RECQL4: variants seen among roughly 807,000 people sequenced by gnomAD.
The protein encoded by RECQL4 is ATP-dependent DNA helicase Q4.
A neutral mutation model predicts 128.6 loss-of-function variants in RECQL4; 158 were observed. That is an observed-to-expected ratio of 1.23 (90% CI 1.08 to 1.40). The LOEUF (loss-of-function observed/expected upper bound fraction) is 1.40, where lower values mean the gene tolerates loss of function less well. Among genes scored for constraint, RECQL4 ranks in the 40% most tolerant of loss-of-function variants. The probability of loss-of-function intolerance (pLI) is 0.00; values close to 1 mark genes in which losing one functional copy is unlikely to be tolerated. For missense variants in RECQL4, 2,293 were observed against 1,649.8 expected (o/e 1.39, Z -6.75); for synonymous variants, 996 against 678.9 (o/e 1.47, Z -7.26).
chr8:144,516,339 C>G lies in RECQL4; in HGVS notation c.780G>C (p.Glu260Asp), dbSNP rs780272651. The change falls in exon 5 of 21, where the codon GAG (glutamate) becomes GAC (aspartate). Residue 260 changes from glutamate (E) to aspartate (D), a missense_variant. Physicochemically the swap from Glu to Asp is conservative, Grantham distance 45. Transcript: ENST00000617875. ...GSPQPSSSGG[E>D]KRRWNEEPWE... Reference sequence around the variant, plus strand: ...AGGGCTCCTCGTTCCATCTCCGCTTCTCGCCTCCACTGCTGCTGGGCTGGG... The same window carrying G: ...AGGGCTCCTCGTTCCATCTCCGCTTGTCGCCTCCACTGCTGCTGGGCTGGG... The G allele has an allele frequency of 1.2e-5, 19 of 1,609,778 alleles. No individual in the cohort carries two copies. The highest frequency in any genetic ancestry group is 2.7e-5 in the African/African-American group (2 of 75,036).
intron 9 of RECQL4, 131 bp downstream of exon 9, chr8:144,514,803 CTG>C (rs1466120876): frequency 8.6e-7 from 1 of 1,165,438 alleles, no homozygotes; most frequent in Non-Finnish European, 1.2e-6. Flanking sequence ...GCTGCCAAGA[CTG>C]GGACTGAGGC....
chr8:144,516,857 G>A (rs1051827528), intron 4 of RECQL4, 93 bp from the exon 5 acceptor site: 146 of 1,403,074 alleles, frequency 1.0e-4, no homozygotes, highest in Non-Finnish European at 1.3e-4. Flanking sequence ...CTCAATTGTA[G>A]AGCAGGCTAA....
intron 6 of RECQL4, 148 bp downstream of exon 6, chr8:144,515,616 C>T (rs921107866): frequency 2.1e-6 from 3 of 1,441,384 alleles, no homozygotes; most frequent in Non-Finnish European, 2.8e-6. Context: ...ATCGTCGTCC[C>T]TGCCACCCTC....
In RECQL4 at chr8:144,511,982, A is replaced by G; in HGVS notation, c.3322T>C (p.Phe1108Leu). ...TRLKDLLGRY[F>L]EEEEGQEPGG... ...GGCTCCTGCCCTTCCTCTTCCTCAA[A>G]GTAGCGGCCGAGCAGGTCCTTGAGC... Residue 1108 changes from phenylalanine to leucine, a missense_variant, in exon 19 of 21, where the codon TTT becomes CTT. Phe to Leu is a conservative substitution (Grantham distance 22, BLOSUM62 0). Coordinates refer to ENST00000617875, the MANE Select transcript of RECQL4 (RefSeq NM_004260.4). 6.2e-7 allele frequency: 1 copy of G among 1,611,218 alleles called. No homozygotes were observed. Among genetic ancestry groups the G allele is most frequent in the Non-Finnish European group, 8.5e-7 (1 of 1,179,572 alleles).
In RECQL4 at chr8:144,511,571, GAC is replaced by G. The variant is rs755908070; in HGVS notation, c.3503-18_3503-17del. 4.3e-6 allele frequency: 7 copies of G among 1,610,570 alleles called. No homozygotes were observed. The highest frequency in any genetic ancestry group is 4.0e-5 in the African/African-American group (3 of 74,874). On this transcript the variant is annotated splice_polypyrimidine_tract_variant and intron_variant, in intron 20 of 20. Coordinates refer to ENST00000617875, the MANE Select transcript of RECQL4 (RefSeq NM_004260.4). ...CAGGGGCTTCCTACGGTGGAGCCAA[GAC>G]ACAGCCGTGAGCCCCAGCCCCAGCC...
rs754123663 is a variant in RECQL4, at chr8:144,517,093, T to G, written c.311A>C (p.Asp104Ala). ...PGRSRQGSVPDYGQRLKANLK... is the reference protein window; with the variant it reads ...PGRSRQGSVPAYGQRLKANLK... ...ATTGGCCTTGAGCCGCTGCCCGTAGTCCGGCACCGAGCCCTGGCGGCTCCG... is the reference window on the plus strand; with the variant it reads ...ATTGGCCTTGAGCCGCTGCCCGTAGGCCGGCACCGAGCCCTGGCGGCTCCG... The change falls in exon 4 of 21, where the codon GAC (aspartate) becomes GCC (alanine). Residue 104 changes from aspartate (D) to alanine (A), a missense_variant. By Grantham distance (126) the Asp-to-Ala change is moderately radical. Transcript: ENST00000617875. 6 of 1,612,454 alleles carry G rather than the reference T, an allele frequency of 3.7e-6. No individual in the cohort carries two copies. The Admixed American group carries it at 5.0e-5, about 13-fold the overall frequency.
chr8:144,516,255 C>T lies in RECQL4; in HGVS notation c.864G>A (p.Gly288=), dbSNP rs1182438148. The T allele has an allele frequency of 1.1e-5, 18 of 1,612,472 alleles. No homozygotes were observed. Among genetic ancestry groups the T allele is most frequent in the African/African-American group, 2.7e-5 (2 of 74,932 alleles). ...ESSQAGPPSE[G]AGAVAVEEDP... is the part of the protein sequence containing the mutation. ...CTTCCTCAACTGCTACAGCCCCAGC[C>T]CCCTCCGATGGGGGTCCAGCTTGGC... The change falls in exon 5 of 21, where the codon GGG becomes GGA. Residue 288 remains glycine (G), a synonymous_variant. Transcript: ENST00000617875.
Position 144,517,441 on chromosome 8 carries a change from G to T in RECQL4, c.186C>A (p.Ser62=). The T allele has an allele frequency of 1.3e-6, 2 of 1,589,072 alleles. No homozygotes were observed. Among genetic ancestry groups the T allele is most frequent in the East Asian group, 2.3e-5 (1 of 44,162 alleles). ...CTTCGGCCGCCGCGGGGAGCGACTC[G>T]GAGCTGCGGAGCCCGCCGCCGGCCT... is the stretch of plus-strand genomic sequence containing the variant. ...TGQAGGGLRS[S]ESLPAAAEEA... Residue 62 remains serine, a synonymous_variant, in exon 3 of 21, where the codon TCC becomes TCA. Coordinates refer to ENST00000617875, the MANE Select transcript of RECQL4 (RefSeq NM_004260.4).
Position 144,517,053 on chromosome 8 carries a change from C to A in RECQL4, c.351G>T (p.Leu117=). The change falls in exon 4 of 21, where the codon CTG becomes CTT. Residue 117 remains leucine (L), a synonymous_variant. Transcript: ENST00000617875. ...QRLKANLKGT[L]QAGPALGRRP... ...TCACTGCCTGCCCACTCCTCACCTG[C>A]AGGGTGCCTTTCAGATTGGCCTTGA... 1 of 1,609,852 alleles carries A rather than the reference C, an allele frequency of 6.2e-7. No individual in the cohort carries two copies. Among genetic ancestry groups the A allele is most frequent in the Non-Finnish European group, 8.5e-7 (1 of 1,177,666 alleles).
At chr8:144,511,860 AG>A (rs1827271420) in intron 19 of RECQL4, 50 bp downstream of exon 19, 1 of 1,610,248 alleles carries the variant, frequency 6.2e-7, no homozygotes. Flanking sequence ...AGCCCCATGC[AG>A]CCCAGGGAAC....
In RECQL4 at chr8:144,512,490, T is replaced by C; in HGVS notation, c.2957A>G (p.Glu986Gly). Reference protein sequence around the residue: ...EDPGQGSSSVEFDMVKLVDSM... With the variant: ...EDPGQGSSSVGFDMVKLVDSM... The stretch of plus-strand genomic sequence containing the variant: ...GTCCACCAGCTTGACCATGTCAAAC[T>C]CCACGGAGCTGCTGCCTTGCCCTGG... The change falls in exon 17 of 21, where the codon GAG (glutamate) becomes GGG (glycine). Residue 986 changes from glutamate (E) to glycine (G), a missense_variant. Glu to Gly is a moderately conservative substitution (Grantham distance 98). Coordinates refer to ENST00000617875, the MANE Select transcript of RECQL4 (RefSeq NM_004260.4). The C allele has an allele frequency of 1.2e-6, 2 of 1,612,426 alleles. No homozygotes were observed. The highest frequency in any genetic ancestry group is 1.7e-4 in the Middle Eastern group (1 of 6,060).
rs759478327 is a variant in RECQL4 at position 144,511,755 on chromosome 8, A to G, written c.3428T>C (p.Ile1143Thr). 2.2e-5 allele frequency: 35 copies of G among 1,612,466 alleles called. No individual in the cohort carries two copies. The Admixed American group carries it at 5.3e-4, about 25-fold the overall frequency. The change falls in exon 20 of 21, where the codon ATC (isoleucine) becomes ACC (threonine). Residue 1143 changes from isoleucine to threonine, a missense_variant. By Grantham distance (89) the Ile-to-Thr change is moderately conservative. Transcript: ENST00000617875. ...TGGCCTCAGGGACAGGAACTGGCGGATGTCGCAGCGGACCTGGTCCTCCCA... is the reference window on the plus strand; with the variant it reads ...TGGCCTCAGGGACAGGAACTGGCGGGTGTCGCAGCGGACCTGGTCCTCCCA... ...QDWEDQVRCD[I>T]RQFLSLRPEE...
At chr8:144,517,546 C>A in intron 2 of RECQL4, 38 bp from the exon 3 acceptor site, 1 of 1,531,238 alleles carries the variant, frequency 6.5e-7, no homozygotes, top group Non-Finnish European at 8.7e-7. Flanking sequence ...AGGGTGGGGC[C>A]TGGGCCCCTG....
At chr8:144,515,632 G>T in intron 6 of RECQL4, 132 bp downstream of exon 6, 1 of 1,444,730 alleles carries the variant, frequency 6.9e-7, no homozygotes. Flanking sequence ...CCCTCCTTCA[G>T]GGGAGCTAGG....
rs889066014 is a variant in RECQL4 at position 144,513,729 on chromosome 8, G to A, written c.2059-17C>T. On this transcript the variant is annotated splice_polypyrimidine_tract_variant and intron_variant, in intron 12 of 20. Transcript: ENST00000617875. ...CAACAGTGCCTGATGAGGAGCGGTT[G>A]GCGTGGGCAGTGGGGAGTGAGGAGG... 1.3e-6 allele frequency: 2 copies of A among 1,538,670 alleles called. No homozygotes were observed. The highest frequency in any genetic ancestry group is 2.0e-5 in the Admixed American group (1 of 50,268).
At position 144,515,355 on chromosome 8, in the gene RECQL4, T is replaced by C. The variant is rs1828005868; in HGVS notation, c.1361A>G (p.Tyr454Cys). Residue 454 changes from tyrosine to cysteine, a missense_variant, in exon 7 of 21, where the codon TAC becomes TGC. By Grantham distance (194) the Tyr-to-Cys change is radical. Coordinates refer to ENST00000617875, the MANE Select transcript of RECQL4 (RefSeq NM_004260.4). Reference protein sequence around the residue: ...PSLDPTVLPLYSLGPSGQLAE... With the variant: ...PSLDPTVLPLCSLGPSGQLAE... ...CAACTGCCCTGAGGGCCCCAGGGAG[T>C]AGAGTGGCAGCACGGTGGGGTCCAG... 1 of 1,612,274 alleles carries C rather than the reference T, an allele frequency of 6.2e-7. No homozygotes were observed. Among genetic ancestry groups the C allele is most frequent in the African/African-American group, 1.3e-5 (1 of 74,770 alleles).
In RECQL4 at chr8:144,517,761, C is replaced by A. The variant is rs2130746321; in HGVS notation, c.24G>T (p.Arg8=). The part of the protein sequence containing the change: MERLRDV[R]ERLQAWERAF... The stretch of plus-strand genomic sequence containing the variant: ...CGCGCTCCCACGCCTGCAGCCGCTC[C>A]CGCACGTCCCGCAGCCGCTCCATGG... The change falls in exon 1 of 21, where the codon CGG becomes CGT. Residue 8 remains arginine, a synonymous_variant. Coordinates refer to ENST00000617875, the MANE Select transcript of RECQL4 (RefSeq NM_004260.4). 2 of 1,302,646 alleles carry A rather than the reference C, an allele frequency of 1.5e-6. No individual in the cohort carries two copies. The highest frequency in any genetic ancestry group is 2.0e-6 in the Non-Finnish European group (2 of 1,022,590). The allele number at this position is 1,302,646 out of a possible 1,614,324, so 80.7% of individuals were successfully genotyped here.
At position 144,512,307 on chromosome 8, in the gene RECQL4, CT is replaced by C. The variant is rs386833852; in HGVS notation, c.3072del (p.Val1026CysfsTer18). 27 of 1,612,264 alleles carry C rather than the reference CT, an allele frequency of 1.7e-5. No individual in the cohort carries two copies. Among genetic ancestry groups the C allele is most frequent in the African/African-American group, 2.7e-5 (2 of 74,924 alleles). On this transcript the variant is annotated frameshift_variant, in exon 18 of 21. Coordinates refer to ENST00000617875, the MANE Select transcript of RECQL4 (RefSeq NM_004260.4). LOFTEE classifies it high-confidence loss of function. Reference protein sequence around the residue: ...HEPRTGVRRGTGVLVEFSELA... With the variant: ...HEPRTGVRRGXGVLVEFSELA... Reference sequence around the variant, plus strand: ...AGCTCACTGAACTCCACAAGCACCCCTGTCCCACGCCGCACACCTGCCGGAA... The same window carrying C: ...AGCTCACTGAACTCCACAAGCACCCCGTCCCACGCCGCACACCTGCCGGAA...
At chr8:144,516,944 G>A in intron 4 of RECQL4, 106 bp downstream of exon 4, 1 of 1,480,496 alleles carries the variant, frequency 6.8e-7, no homozygotes, top group South Asian at 1.3e-5. Context: ...TGCCCTGGTT[G>A]GCACAGGGGC....
Sources: gnomAD v4.1 joint callset for allele counts on GRCh38, gnomAD v4.1.1 for gene constraint, MANE v1.5 for transcripts, NCBI Gene and HGNC (gene_info 2026-07-23, HGNC 2026-07-21) for gene names.